The following SMOC2 variants were observed in gnomAD, a reference collection of about 807,000 sequenced individuals.
The protein encoded by SMOC2 is SPARC related modular calcium binding 2.
A neutral mutation model predicts 61.4 loss-of-function variants in SMOC2; 39 were observed. The ratio of observed to expected loss-of-function variants is 0.64; its 90% CI spans 0.49 to 0.83. The LOEUF (loss-of-function observed/expected upper bound fraction) is 0.83, where lower values mean the gene tolerates loss of function less well. Ranked by LOEUF, SMOC2 falls within the 40% of genes least tolerant of loss-of-function variation. SMOC2 has a pLI of 0.00. For synonymous variants in SMOC2, 247 were observed against 239.9 expected (o/e 1.03, Z -0.27); for missense variants, 556 against 592.9 (o/e 0.94, Z 0.65).
Position 168,547,026 on chromosome 6 carries a change from G to C in SMOC2, c.512-93G>C, listed in dbSNP as rs1271175504. ...GTTGTGGTTGATCTGTGGGGACTGA[G>C]TGCAAGTCCTCAGCATCCACCCGTA... On this transcript the variant is annotated intron_variant, in intron 5 of 12. Coordinates refer to ENST00000356284, the MANE Select transcript of SMOC2 (RefSeq NM_001166412.2). The C allele has an allele frequency of 2.7e-6, 4 of 1,484,746 alleles. No homozygotes were observed. In the African/African-American group the frequency reaches 5.5e-5, roughly 21 times the overall value. The allele number at this position is 1,484,746 out of a possible 1,614,324, so 92.0% of individuals were successfully genotyped here. A position where few individuals can be genotyped will look rare whatever the true frequency, so the allele number is the denominator to read the frequency against.
chr6:168,662,110 A>G (rs1042595389), intron 11 of SMOC2, among the ~76,000 whole-genome samples: 1 of 152,238 alleles, frequency 6.6e-6, no homozygotes, highest in Non-Finnish European at 1.5e-5. Context: ...TAATCAAGGA[A>G]TATGGGATGA....
chr6:168,455,564 AT>A (rs1287101756), intron 1 of SMOC2, among the ~76,000 whole-genome samples: 2 of 152,214 alleles, frequency 1.3e-5, no homozygotes, highest in African/African-American at 4.8e-5. Flanking sequence ...CCTTCTTAAA[AT>A]GAACTTTCTG....
chr6:168,547,222 G>A (rs371569484), intron 6 of SMOC2, 53 bp downstream of exon 6: 37 of 1,514,508 alleles, frequency 2.4e-5, no homozygotes, highest in African/African-American at 1.6e-4. Context: ...TGCGAGGGAC[G>A]GTATGGAGCT....
intron 7 of SMOC2, among the ~76,000 whole-genome samples, chr6:168,575,334 C>A (rs185807091): frequency 6.6e-6 from 1 of 152,150 alleles, no homozygotes; most frequent in Non-Finnish European, 1.5e-5. Flanking sequence ...AGATTCCCCC[C>A]GACTTCTTTC....
chr6:168,505,809 T>G (rs960672787), intron 1 of SMOC2, among the ~76,000 whole-genome samples: 6 of 152,188 alleles, frequency 3.9e-5, no homozygotes, highest in African/African-American at 1.4e-4. Flanking sequence ...TAAACAGGCT[T>G]GAGTCTGTAG....
intron 9 of SMOC2, among the ~76,000 whole-genome samples, chr6:168,614,972 A>G (rs878993735): frequency 7.0e-5 from 2 of 28,756 alleles, no homozygotes; most frequent in Non-Finnish European, 7.0e-5. Flanking sequence ...CAGCCAGCAC[A>G]GGGCCTCTTC....
chr6:168,594,937 G>A (rs62422507), intron 7 of SMOC2, among the ~76,000 whole-genome samples: 13 of 7,032 alleles, frequency 1.8e-3, no homozygotes, highest in African/African-American at 2.4e-3. Context: ...GAGGCCTCAC[G>A]AGGGGCATCT....
intron 4 of SMOC2, 113 bp from the exon 5 acceptor site, chr6:168,543,512 C>T (rs142063089): frequency 8.8e-5 from 80 of 913,100 alleles, no homozygotes; most frequent in South Asian, 1.4e-4. Flanking sequence ...TAGAACATGC[C>T]GAAGCACGGC....
At chr6:168,560,268 G>A (rs892825116) in intron 7 of SMOC2, among the ~76,000 whole-genome samples, 2 of 152,088 alleles carry the variant, frequency 1.3e-5, no homozygotes, top group East Asian at 1.9e-4. Context: ...GCCAGAATAC[G>A]TCACGTCAGG....
intron 6 of SMOC2, 32 bp downstream of exon 6, chr6:168,547,201 T>A: frequency 6.2e-7 from 1 of 1,605,058 alleles, no homozygotes; most frequent in Non-Finnish European, 8.5e-7. Flanking sequence ...ACAGTCTGGG[T>A]TGGGGAGGAG....
chr6:168,522,230 C>CTTGT (rs1327529692), intron 2 of SMOC2, among the ~76,000 whole-genome samples: 1 of 152,162 alleles, frequency 6.6e-6, no homozygotes, highest in Admixed American at 6.5e-5. Flanking sequence ...TGGATAAACA[C>CTTGT]TTGTGTCTGT....
intron 1 of SMOC2, among the ~76,000 whole-genome samples, chr6:168,471,932 A>C (rs557378273): frequency 3.6e-4 from 55 of 152,288 alleles, no homozygotes; most frequent in African/African-American, 1.2e-3. Flanking sequence ...AGTTCTTTGC[A>C]TATTCTGGAT....
intron 7 of SMOC2, among the ~76,000 whole-genome samples, chr6:168,578,240 G>C (rs1583127539): frequency 6.6e-6 from 1 of 152,210 alleles, no homozygotes; most frequent in Non-Finnish European, 1.5e-5. Context: ...GGGGGCAATG[G>C]GAGTCCTTTG....
At chr6:168,486,018 C>T (rs1782323511) in intron 1 of SMOC2, among the ~76,000 whole-genome samples, 1 of 152,198 alleles carries the variant, frequency 6.6e-6, no homozygotes, top group Non-Finnish European at 1.5e-5. Context: ...GCAATTCCTT[C>T]CTCTGCTGCT....
At position 168,510,103 on chromosome 6, in the gene SMOC2, T is replaced by C; in HGVS notation, c.256+17T>C. 6 of 1,609,908 alleles carry C rather than the reference T, an allele frequency of 3.7e-6. No individual in the cohort carries two copies. Among genetic ancestry groups the C allele is most frequent in the Non-Finnish European group, 5.1e-6 (6 of 1,176,402 alleles). ...ACTGCAAAGGTAAGCTGCTGTTTGA[T>C]CATTCATCCAAAGATGGGTACATCC... On this transcript the variant is annotated intron_variant, in intron 2 of 12. Coordinates refer to ENST00000356284, the MANE Select transcript of SMOC2 (RefSeq NM_001166412.2).
At chr6:168,449,339 A>G (rs1781407966) in intron 1 of SMOC2, among the ~76,000 whole-genome samples, 2 of 152,234 alleles carry the variant, frequency 1.3e-5, no homozygotes, top group African/African-American at 4.8e-5. Flanking sequence ...GACATTAGCA[A>G]TCGAATTGAG....
intron 9 of SMOC2, among the ~76,000 whole-genome samples, chr6:168,628,581 C>A (rs2342642): frequency 0.92 from 140,480 of 152,316 alleles, 64,815 homozygotes; most frequent in Middle Eastern, 0.99. Context: ...ATGCAAAACT[C>A]GCAGCATGTA....
intron 2 of SMOC2, among the ~76,000 whole-genome samples, chr6:168,515,300 G>A (rs111253538): frequency 6.6e-6 from 1 of 152,202 alleles, no homozygotes; most frequent in Non-Finnish European, 1.5e-5. Flanking sequence ...AGAATCTCGT[G>A]TGTGGTGCTG....
intron 1 of SMOC2, among the ~76,000 whole-genome samples, chr6:168,460,198 TG>T (rs1562539946): frequency 1.3e-5 from 2 of 152,178 alleles, no homozygotes; most frequent in Non-Finnish European, 2.9e-5. Context: ...TGTATTTAAA[TG>T]ACCTCAAAAC....
Sources: gnomAD v4.1 joint callset for allele counts (sites outside exome capture counted in the v4.1 genomes callset) on GRCh38, gnomAD v4.1.1 for gene constraint, MANE v1.5 for transcripts, NCBI Gene and HGNC (gene_info 2026-07-23, HGNC 2026-07-21) for gene names.